The following TSC1 variants were observed in gnomAD, a reference collection of about 807,000 sequenced individuals.
The protein encoded by TSC1 is TSC complex subunit 1, also known as hamartin.
A neutral mutation model predicts 124.3 loss-of-function variants in TSC1; 20 were observed. The ratio of observed to expected loss-of-function variants is 0.16; its 90% CI spans 0.11 to 0.23. The LOEUF (loss-of-function observed/expected upper bound fraction) is 0.23. TSC1 is among the 10% of genes least tolerant of loss of function. TSC1 has a pLI of 1.00. For missense variants in TSC1, 1,124 were observed against 1,448.5 expected (o/e 0.78, Z 3.64); for synonymous variants, 493 against 539.1 (o/e 0.91, Z 1.19).
rs767514820 is a variant in TSC1 at position 132,910,634 on chromosome 9, G to C, written c.1200C>G (p.Leu400=). 70 of 1,614,036 alleles carry C rather than the reference G, an allele frequency of 4.3e-5. No homozygotes were observed. The highest frequency in any genetic ancestry group is 5.8e-5 in the Non-Finnish European group (68 of 1,180,050). The change falls in exon 12 of 23, where the codon CTC becomes CTG. Residue 400 remains leucine (L), a synonymous_variant. Transcript: ENST00000298552. ...TPATSPPPAP[L]CHSDDYVHIS... is the part of the protein sequence containing the mutation. ...TGTGCACGTAGTCATCCGAATGACA[G>C]AGTGGGGCTGGAGGAGGAGAGGTTG...
At chr9:132,898,359 G>A (rs911496124) in intron 20 of TSC1, among the ~76,000 whole-genome samples, 16 of 152,200 alleles carry the variant, frequency 1.1e-4, no homozygotes, top group Admixed American at 2.6e-4. Flanking sequence ...TTAAGCCTGT[G>A]TTACATTTGT....
chr9:132,894,769 G>A lies in TSC1; in HGVS notation c.*1466C>T, dbSNP rs1232198610. 4.4e-6 allele frequency: 1 copy of A among 225,296 alleles called. No individual in the cohort carries two copies. The highest frequency in any genetic ancestry group is 2.2e-5 in the African/African-American group (1 of 44,484). The allele number at this position is 225,296 out of a possible 1,614,324, so 14.0% of individuals were successfully genotyped here. The stretch of plus-strand genomic sequence containing the variant: ...CGTGGGCACTAAGATTTCGTACCGT[G>A]ACAGTTTTTTACCTCTTTATGACTG... On this transcript the variant is annotated 3_prime_UTR_variant, in exon 23 of 23. Coordinates refer to ENST00000298552, the MANE Select transcript of TSC1 (RefSeq NM_000368.5).
At chr9:132,934,974 C>T (rs932216601) in intron 2 of TSC1, 59 bp downstream of exon 2, 3 of 398,916 alleles carry the variant, frequency 7.5e-6, no homozygotes, top group Admixed American at 4.4e-5. Flanking sequence ...GAATGCACGA[C>T]CATGGGCAAG....
rs1392904165 is a variant in TSC1 at position 132,897,491 on chromosome 9, G to A, written c.2745C>T (p.His915=). Residue 915 remains histidine (H), a synonymous_variant, in exon 21 of 23, where the codon CAC becomes CAT. Coordinates refer to ENST00000298552, the MANE Select transcript of TSC1 (RefSeq NM_000368.5). ...AAAGAAGGTGGTCTTTCTTGGCCAG[G>A]TGAGATTCCAGTTCCAAAATCCGTT... The part of the protein sequence containing the change: ...SQKRILELES[H]LAKKDHLLLE... 1 of 1,613,936 alleles carries A rather than the reference G, an allele frequency of 6.2e-7. No individual in the cohort carries two copies. Among genetic ancestry groups the A allele is most frequent in the Admixed American group, 1.7e-5 (1 of 59,980 alleles).
Position 132,923,412 on chromosome 9 carries a change from T to C in TSC1, c.444A>G (p.Lys148=), listed in dbSNP as rs2132189552. ...TMLPMIPQSG[K]QHLLDFFDIF... Reference sequence around the variant, plus strand: ...TGTCAAAGAAATCAAGAAGATGCTGTTTCCCAGACTGTGGAATCATTGGTA... The same window carrying C: ...TGTCAAAGAAATCAAGAAGATGCTGCTTCCCAGACTGTGGAATCATTGGTA... Residue 148 remains lysine, a synonymous_variant, in exon 6 of 23, where the codon AAA becomes AAG. Coordinates refer to ENST00000298552, the MANE Select transcript of TSC1 (RefSeq NM_000368.5). The surrounding 1 kb of genome is among the most constrained non-coding windows in gnomAD (Gnocchi z 4.2). 1.9e-6 allele frequency: 3 copies of C among 1,614,158 alleles called. No homozygotes were observed. Among genetic ancestry groups the C allele is most frequent in the Middle Eastern group, 1.6e-4 (1 of 6,062 alleles).
rs774021568 is a variant in TSC1 at position 132,897,405 on chromosome 9, T to C, written c.2813+18A>G. 4 of 1,614,074 alleles carry C rather than the reference T, an allele frequency of 2.5e-6. No individual in the cohort carries two copies. The highest frequency in any genetic ancestry group is 4.5e-5 in the East Asian group (2 of 44,896). On this transcript the variant is annotated intron_variant, in intron 21 of 22. Transcript: ENST00000298552. ...TCCACTTAATAAAAACACAAAAGCC[T>C]TTCCTGATGAAAGTTACCTTGCCTG...
Position 132,900,747 on chromosome 9 carries a change from G to C in TSC1, c.2593C>G (p.Gln865Glu). The C allele has an allele frequency of 6.2e-7, 1 of 1,614,174 alleles. No individual in the cohort carries two copies. The highest frequency in any genetic ancestry group is 8.5e-7 in the Non-Finnish European group (1 of 1,180,024). The change falls in exon 20 of 23, where the codon CAA becomes GAA. Residue 865 changes from glutamine to glutamate, a missense_variant. Gln to Glu is a conservative substitution (Grantham distance 29). Around this residue, in one of 5 missense-constraint regions of TSC1, gnomAD observed 325 missense variants for 383.4 expected, o/e 0.85. Coordinates refer to ENST00000298552, the MANE Select transcript of TSC1 (RefSeq NM_000368.5). ...LGEVNELYLEQLQNKHSDTTK... is the reference protein window; with the variant it reads ...LGEVNELYLEELQNKHSDTTK... ...GTATCTGAGTGCTTGTTCTGCAGTT[G>C]TTCCAAATAGAGCTCGTTGACCTCC...
chr9:132,902,404 T>C lies in TSC1; in HGVS notation c.2391+201A>G, dbSNP rs1588300632. ...GACTGAGACACTAAGGGAGCTACTA[T>C]ATGAACCAACAAAGTTGGGGAACCT... On this transcript the variant is annotated intron_variant, in intron 18 of 22. Transcript: ENST00000298552. The surrounding 1 kb of genome is among the most constrained non-coding windows in gnomAD (Gnocchi z 5.2). 6.6e-6 allele frequency among the ~76,000 whole-genome samples: 1 copy of C among 152,184 alleles called. No homozygotes were observed.
chr9:132,934,691 C>G (rs1238437923), intron 2 of TSC1, among the ~76,000 whole-genome samples: 1 of 152,230 alleles, frequency 6.6e-6, no homozygotes, highest in Non-Finnish European at 1.5e-5. Flanking sequence ...CACAACCAAA[C>G]TTTGCTGCTA....
intron 19 of TSC1, among the ~76,000 whole-genome samples, chr9:132,901,096 C>T (rs1845351668): frequency 6.6e-6 from 1 of 152,172 alleles, no homozygotes; most frequent in East Asian, 1.9e-4. Context: ...ACTGACCACC[C>T]ACAGAACACC....
intron 20 of TSC1, 160 bp downstream of exon 20, chr9:132,900,555 C>T: frequency 8.4e-7 from 1 of 1,191,252 alleles, no homozygotes. Context: ...CACATGGTGG[C>T]TGGAAAGTGC....
chr9:132,929,465 T>C (rs1847087267), intron 2 of TSC1, among the ~76,000 whole-genome samples: 1 of 152,236 alleles, frequency 6.6e-6, no homozygotes, highest in Non-Finnish European at 1.5e-5. Flanking sequence ...TGTTTTAGCA[T>C]ATACCTCTCA....
intron 1 of TSC1, among the ~76,000 whole-genome samples, chr9:132,939,814 A>G (rs1023232495): frequency 2.0e-5 from 3 of 152,172 alleles, no homozygotes; most frequent in Non-Finnish European, 4.4e-5. Context: ...GGTTCTCAAA[A>G]TGTGGTCCTG....
At position 132,923,219 on chromosome 9, in the gene TSC1, T is replaced by C; in HGVS notation, c.508+129A>G. 1.5e-6 allele frequency: 2 copies of C among 1,306,220 alleles called. No homozygotes were observed. Among genetic ancestry groups the C allele is most frequent in the Non-Finnish European group, 2.1e-6 (2 of 959,756 alleles). 80.9% of individuals were successfully genotyped at this position (1,306,220 alleles called of 1,614,324 possible). On this transcript the variant is annotated intron_variant, in intron 6 of 22. Transcript: ENST00000298552. This position sits in a 1 kb window ranked among gnomAD's most constrained non-coding sequence, Gnocchi z 4.2. ...GATGCACCCAAGATATTCCCTCATC[T>C]GTCTGGTGAAAACCACTCATTTCAG...
chr9:132,930,961 T>C (rs1372645358), intron 2 of TSC1, among the ~76,000 whole-genome samples: 1 of 152,196 alleles, frequency 6.6e-6, no homozygotes, highest in African/African-American at 2.4e-5. Flanking sequence ...ATTAGTATGG[T>C]ATCAGGTACA....
intron 2 of TSC1, among the ~76,000 whole-genome samples, chr9:132,934,096 A>G (rs1022573163): frequency 6.6e-6 from 1 of 152,174 alleles, no homozygotes; most frequent in Non-Finnish European, 1.5e-5. Context: ...TACAATTCCT[A>G]CGACAGAGGT....
chr9:132,901,559 C>A (rs1845371368), intron 19 of TSC1, 30 bp downstream of exon 19: 1 of 1,567,734 alleles, frequency 6.4e-7, no homozygotes, highest in Non-Finnish European at 8.8e-7. Flanking sequence ...GGTGTTTCAG[C>A]AGATTCAGGT....
chr9:132,922,584 T>C (rs1846628726), intron 6 of TSC1, among the ~76,000 whole-genome samples: 1 of 152,240 alleles, frequency 6.6e-6, no homozygotes, highest in African/African-American at 2.4e-5. Context: ...AATTTAGCCT[T>C]ACCTAGACCC....
rs759914505 is a variant in TSC1 at position 132,907,344 on chromosome 9, T to C, written c.1290A>G (p.Pro430=). 3.1e-6 allele frequency: 5 copies of C among 1,614,174 alleles called. No homozygotes were observed. In the Admixed American group the frequency reaches 6.7e-5, roughly 22 times the overall value. The change falls in exon 13 of 23, where the codon CCA becomes CCG. Residue 430 remains proline, a synonymous_variant. Coordinates refer to ENST00000298552, the MANE Select transcript of TSC1 (RefSeq NM_000368.5). ...GAAGATGGTGTTGTCTGTGTAGACA[T>C]GGTCTTGCAGAATCCATTCTCTCTT... ...RKEERMDSAR[P]CLHRQHHLLN...
Sources: allele counts gnomAD v4.1 joint callset (sites outside exome capture counted in the v4.1 genomes callset), GRCh38; gene constraint gnomAD v4.1.1; regional missense constraint gnomAD v4.1.1; non-coding constraint Gnocchi (gnomAD v3.1); transcripts MANE v1.5; gene names NCBI Gene and HGNC (gene_info 2026-07-23, HGNC 2026-07-21).